The following BORCS5 variants were observed in gnomAD, a reference collection of about 807,000 sequenced individuals.
The protein encoded by BORCS5 is BLOC-1-related complex subunit 5.
In BORCS5, 17 loss-of-function variants were observed where a neutral mutation model predicts 22.1. That is an observed-to-expected ratio of 0.77 (90% CI 0.53 to 1.15). The LOEUF (loss-of-function observed/expected upper bound fraction) is 1.15. BORCS5 is among the 50% of genes most tolerant of loss of function. BORCS5 has a pLI of 0.00. For synonymous variants in BORCS5, 117 were observed against 99.8 expected (o/e 1.17, Z -1.03); for missense variants, 247 against 253.2 (o/e 0.98, Z 0.17).
rs182729355 is a variant in BORCS5 at position 12,461,659 on chromosome 12, T to G, written c.361-3887T>G. Among the ~76,000 whole-genome samples the G allele has an allele frequency of 1.1e-4, 16 of 152,264 alleles. No individual in the cohort carries two copies. The East Asian group carries it at 2.9e-3, about 28-fold the overall frequency. Reference sequence around the variant, plus strand: ...GCCAACTCAAAGATGTAACCTTCATTATTCTCATGGTCTACATGGGGTGCA... The same window carrying G: ...GCCAACTCAAAGATGTAACCTTCATGATTCTCATGGTCTACATGGGGTGCA... On this transcript the variant is annotated intron_variant, in intron 3 of 3. Coordinates refer to ENST00000314565, the MANE Select transcript of BORCS5 (RefSeq NM_058169.6).
At chr12:12,361,076 C>CACCCCA (rs1359236004) in intron 1 of BORCS5, 130 bp from the exon 2 acceptor site, 5 of 867,744 alleles carry the variant, frequency 5.8e-6, no homozygotes, top group Non-Finnish European at 9.0e-6. Flanking sequence ...TCATCCCTGC[C>CACCCCA]ACCCCAACCC....
Position 12,369,655 on chromosome 12 carries a change from C to T in BORCS5, c.202+8306C>T, listed in dbSNP as rs543717706. 1.5e-3 allele frequency among the ~76,000 whole-genome samples: 222 copies of T among 144,552 alleles called. 2 individuals carry two copies. The highest frequency in any genetic ancestry group is 5.6e-3 in the African/African-American group (216 of 38,890). The allele number at this position is 144,552 out of a possible 152,430, so 94.8% of individuals were successfully genotyped here. On this transcript the variant is annotated intron_variant, in intron 2 of 3. Coordinates refer to ENST00000314565, the MANE Select transcript of BORCS5 (RefSeq NM_058169.6). The stretch of plus-strand genomic sequence containing the variant: ...AGTTCATTTAGAATTACTATTGTAT[C>T]ACTTCATGTAAAATGTAGGAAACTT...
intron 2 of BORCS5, among the ~76,000 whole-genome samples, chr12:12,372,377 C>T (rs1863549831): frequency 1.3e-5 from 2 of 152,142 alleles, no homozygotes; most frequent in South Asian, 4.2e-4. Context: ...CAGGATCTCG[C>T]TCTGTTGCCC....
chr12:12,371,547 G>T (rs1412405406), intron 2 of BORCS5, among the ~76,000 whole-genome samples: 1 of 152,158 alleles, frequency 6.6e-6, no homozygotes, highest in Non-Finnish European at 1.5e-5. Context: ...ACCTGCCTCA[G>T]CCTCCCAAAG....
At chr12:12,369,115 C>T (rs1208862386) in intron 2 of BORCS5, among the ~76,000 whole-genome samples, 7 of 152,180 alleles carry the variant, frequency 4.6e-5, no homozygotes, top group South Asian at 2.1e-4. Context: ...TTTTGAAAGT[C>T]TATTATTAGG....
chr12:12,463,035 G>A lies in BORCS5; in HGVS notation c.361-2511G>A, dbSNP rs375057847. On this transcript the variant is annotated intron_variant, in intron 3 of 3. Transcript: ENST00000314565. ...CCTCTGCTTATCCAGAAGACAATTAGTATATATGTTATCTTGTTAGAATCC... is the reference window on the plus strand; with the variant it reads ...CCTCTGCTTATCCAGAAGACAATTAATATATATGTTATCTTGTTAGAATCC... Among the ~76,000 whole-genome samples, 13 of 152,236 alleles carry A rather than the reference G, an allele frequency of 8.5e-5. No homozygotes were observed. In the East Asian group the frequency reaches 2.5e-3, roughly 29 times the overall value.
Position 12,470,187 on chromosome 12 carries a change from C to G in BORCS5, c.*4411C>G, listed in dbSNP as rs557684751. Among the ~76,000 whole-genome samples, 1 of 152,212 alleles carries G rather than the reference C, an allele frequency of 6.6e-6. No homozygotes were observed. Among genetic ancestry groups the G allele is most frequent in the Admixed American group, 6.5e-5 (1 of 15,280 alleles). ...CCGGGTTCAAGCAGTTATACTGTCT[C>G]AGCCTCCCGAGTAGCTGGGACTACA... On this transcript the variant is annotated 3_prime_UTR_variant, in exon 4 of 4. Coordinates refer to ENST00000314565, the MANE Select transcript of BORCS5 (RefSeq NM_058169.6).
chr12:12,419,554 A>G (rs1942060790), intron 2 of BORCS5, among the ~76,000 whole-genome samples: 1 of 152,230 alleles, frequency 6.6e-6, no homozygotes, highest in Admixed American at 6.5e-5. Flanking sequence ...CTTTGGGTAT[A>G]TACCCAGTAA....
intron 2 of BORCS5, among the ~76,000 whole-genome samples, chr12:12,387,924 T>G (rs755620823): frequency 6.6e-6 from 1 of 151,348 alleles, no homozygotes; most frequent in African/African-American, 2.4e-5. Context: ...CATTAAAGAA[T>G]GTTTAACACG....
chr12:12,416,255 T>A (rs1460224781), intron 2 of BORCS5, among the ~76,000 whole-genome samples: 1 of 152,094 alleles, frequency 6.6e-6, no homozygotes, highest in African/African-American at 2.4e-5. Flanking sequence ...CAATTTTGTT[T>A]ATCTTTTTAA....
chr12:12,383,501 G>A (rs1482404887), intron 2 of BORCS5, among the ~76,000 whole-genome samples: 5 of 151,142 alleles, frequency 3.3e-5, no homozygotes, highest in Non-Finnish European at 7.4e-5. Context: ...GTCCCCAACC[G>A]TTGTCACTTC....
At chr12:12,394,559 GA>G (rs2136063991) in intron 2 of BORCS5, among the ~76,000 whole-genome samples, 1 of 151,934 alleles carries the variant, frequency 6.6e-6, no homozygotes, top group East Asian at 1.9e-4. Flanking sequence ...AAAATTTAAA[GA>G]GACAGAGTAC....
chr12:12,370,426 A>G (rs1178048200), intron 2 of BORCS5, among the ~76,000 whole-genome samples: 1 of 152,028 alleles, frequency 6.6e-6, no homozygotes, highest in Admixed American at 6.5e-5. Flanking sequence ...ATATTGTGAG[A>G]CTCCATGAAA....
At chr12:12,417,176 C>T (rs1421653342) in intron 2 of BORCS5, among the ~76,000 whole-genome samples, 2 of 92,542 alleles carry the variant, frequency 2.2e-5, no homozygotes, top group African/African-American at 1.2e-4. Context: ...TGTTTTAATT[C>T]ACCTTTAGGT....
chr12:12,401,346 T>C (rs963284988), intron 2 of BORCS5, among the ~76,000 whole-genome samples: 1 of 152,194 alleles, frequency 6.6e-6, no homozygotes, highest in Admixed American at 6.5e-5. Context: ...CCTTGCTTAT[T>C]GATTAATTTA....
intron 3 of BORCS5, among the ~76,000 whole-genome samples, chr12:12,439,535 A>G (rs542832395): frequency 1.9e-4 from 29 of 152,190 alleles, no homozygotes; most frequent in Non-Finnish European, 3.2e-4. Flanking sequence ...TTGGGAGGTG[A>G]GAAGATGGTT....
At chr12:12,434,404 G>T (rs920889268) in intron 2 of BORCS5, among the ~76,000 whole-genome samples, 1 of 152,076 alleles carries the variant, frequency 6.6e-6, no homozygotes, top group Non-Finnish European at 1.5e-5. Flanking sequence ...CTGGCATGTG[G>T]TAGGGCGATC....
At chr12:12,410,395 G>A (rs1378951988) in intron 2 of BORCS5, among the ~76,000 whole-genome samples, 36 of 152,230 alleles carry the variant, frequency 2.4e-4, no homozygotes, top group African/African-American at 7.7e-4. Context: ...TCTTGAATTA[G>A]TTTTTGTATA....
chr12:12,471,087 A>G lies in BORCS5; in HGVS notation c.*5311A>G, dbSNP rs1413453435. Among the ~76,000 whole-genome samples the G allele has an allele frequency of 2.6e-5, 4 of 152,200 alleles. No individual in the cohort carries two copies. The East Asian group carries it at 7.7e-4, about 29-fold the overall frequency. On this transcript the variant is annotated 3_prime_UTR_variant, in exon 4 of 4. Transcript: ENST00000314565. ...CCTATTTGCCTGTCACATTGCTTCT[A>G]CCGGCCACATCCTGCATTTCCTGTG...
Sources: gnomAD v4.1 joint callset for allele counts (sites outside exome capture counted in the v4.1 genomes callset) on GRCh38, gnomAD v4.1.1 for gene constraint, MANE v1.5 for transcripts, NCBI Gene and HGNC (gene_info 2026-07-23, HGNC 2026-07-21) for gene names.